RXRG: variants seen among roughly 807,000 people sequenced by gnomAD.
The protein encoded by RXRG is retinoid X receptor gamma, also known as retinoic acid receptor RXR-gamma.
RXRG carries 19 observed loss-of-function variants against 49.2 expected under a neutral mutation model. The observed-to-expected ratio is 0.39, with a 90% CI of 0.27 to 0.57. RXRG has a LOEUF of 0.57. Among genes scored for constraint, RXRG ranks in the 20% least tolerant of loss-of-function variants. RXRG has a pLI of 0.64. For synonymous variants in RXRG, 224 were observed against 216.6 expected (o/e 1.03, Z -0.30); for missense variants, 452 against 592.5 (o/e 0.76, Z 2.46).
chr1:165,405,896 G>A (rs1437933659), intron 9 of RXRG, among the ~76,000 whole-genome samples: 1 of 152,222 alleles, frequency 6.6e-6, no homozygotes, highest in East Asian at 1.9e-4. Flanking sequence ...AATTGCTAGA[G>A]GTTGGCTTAT....
intron 9 of RXRG, among the ~76,000 whole-genome samples, chr1:165,402,701 C>T (rs1386314093): frequency 2.6e-5 from 4 of 151,762 alleles, no homozygotes; most frequent in Non-Finnish European, 5.9e-5. Flanking sequence ...CACACTTTCA[C>T]ATGAACTCAC....
chr1:165,413,890 G>A (rs530921874), intron 4 of RXRG, among the ~76,000 whole-genome samples: 1 of 152,276 alleles, frequency 6.6e-6, no homozygotes, highest in Admixed American at 6.5e-5. Context: ...TCCTAAAAGG[G>A]CAACAGGTCC....
At chr1:165,409,727 A>G in intron 6 of RXRG, 37 bp from the exon 7 acceptor site, 2 of 1,423,598 alleles carry the variant, frequency 1.4e-6, no homozygotes, top group Non-Finnish European at 1.8e-6. Context: ...GGGAAAACAG[A>G]ACACATTCTT....
chr1:165,428,666 G>T (rs1658568034), intron 2 of RXRG, 53 bp downstream of exon 2: 3 of 1,539,250 alleles, frequency 1.9e-6, no homozygotes, highest in Admixed American at 1.9e-5. Flanking sequence ...GGAGCAGCCT[G>T]GGTGAAACCA....
intron 9 of RXRG, among the ~76,000 whole-genome samples, chr1:165,403,056 TACAC>T (rs201620097): frequency 0.019 from 2,848 of 152,008 alleles, 110 homozygotes; most frequent in African/African-American, 0.065. Flanking sequence ...CACTCACTCA[TACAC>T]ACCCTCACAC....
At chr1:165,420,081 A>T in intron 2 of RXRG, 67 bp from the exon 3 acceptor site, 1 of 1,285,172 alleles carries the variant, frequency 7.8e-7, no homozygotes, top group Non-Finnish European at 1.0e-6. Context: ...GCCTAAGGCA[A>T]TGAGGGCTTA....
At chr1:165,406,623 T>G (rs1410558929) in intron 9 of RXRG, among the ~76,000 whole-genome samples, 189 bp downstream of exon 9, 1 of 152,024 alleles carries the variant, frequency 6.6e-6, no homozygotes, top group African/African-American at 2.4e-5. Context: ...GCTAGAGGAG[T>G]GAATGGTGAG....
intron 4 of RXRG, among the ~76,000 whole-genome samples, chr1:165,416,666 G>A (rs1658135830): frequency 6.6e-6 from 1 of 152,186 alleles, no homozygotes; most frequent in South Asian, 2.1e-4. Flanking sequence ...CAGATCATAA[G>A]GACCCTGAAA....
intron 2 of RXRG, among the ~76,000 whole-genome samples, chr1:165,427,613 T>C (rs1658531092): frequency 1.3e-5 from 2 of 152,142 alleles, no homozygotes; most frequent in African/African-American, 2.4e-5. Flanking sequence ...GGGCTAATTT[T>C]TTGTATTTTT....
chr1:165,414,028 A>G (rs1338248628), intron 4 of RXRG, among the ~76,000 whole-genome samples: 1 of 152,180 alleles, frequency 6.6e-6, no homozygotes, highest in East Asian at 1.9e-4. Flanking sequence ...GAAAGTGTTC[A>G]AACTGAGCCC....
intron 1 of RXRG, among the ~76,000 whole-genome samples, chr1:165,435,712 G>A (rs574567521): frequency 3.7e-4 from 56 of 152,300 alleles, no homozygotes; most frequent in African/African-American, 1.3e-3. Context: ...AGGAGTGGGA[G>A]GCAGGGGACT....
chr1:165,407,599 G>A (rs995716989), intron 8 of RXRG, among the ~76,000 whole-genome samples: 1 of 152,132 alleles, frequency 6.6e-6, no homozygotes, highest in Non-Finnish European at 1.5e-5. Flanking sequence ...TCTCACCCCA[G>A]TGTCACAGCC....
intron 1 of RXRG, among the ~76,000 whole-genome samples, chr1:165,429,962 A>T (rs959724292): frequency 6.6e-6 from 1 of 152,182 alleles, no homozygotes; most frequent in Non-Finnish European, 1.5e-5. Flanking sequence ...TAGGATCTGT[A>T]GCAGCAAAGC....
In RXRG at chr1:165,410,976, G is replaced by A; in HGVS notation, c.756C>T (p.Ser252=). ...AGTTCTCCATATTCATGTCACCATA[G>A]GATTCTGTCTTTGGTTCAACAGCAA... is the stretch of plus-strand genomic sequence containing the variant. ...AELAVEPKTE[S]YGDMNMENST... is the part of the protein sequence containing the mutation. The change falls in exon 5 of 10, where the codon TCC becomes TCT. Residue 252 remains serine, a synonymous_variant. Transcript: ENST00000359842. 2 of 1,614,150 alleles carry A rather than the reference G, an allele frequency of 1.2e-6. No homozygotes were observed. Among genetic ancestry groups the A allele is most frequent in the Non-Finnish European group, 1.7e-6 (2 of 1,180,016 alleles).
At chr1:165,403,693 T>C (rs1406875784) in intron 9 of RXRG, among the ~76,000 whole-genome samples, 1 of 152,242 alleles carries the variant, frequency 6.6e-6, no homozygotes, top group African/African-American at 2.4e-5. Flanking sequence ...TTAAGCTTTA[T>C]GGAAGTAGGC....
chr1:165,412,884 G>A (rs1658000298), intron 4 of RXRG, among the ~76,000 whole-genome samples: 1 of 152,068 alleles, frequency 6.6e-6, no homozygotes, highest in African/African-American at 2.4e-5. Flanking sequence ...GGGAAATGTT[G>A]AATGCTTCTT....
chr1:165,440,193 A>T (rs926323898), intron 1 of RXRG, among the ~76,000 whole-genome samples: 2 of 152,200 alleles, frequency 1.3e-5, no homozygotes, highest in African/African-American at 2.4e-5. Context: ...TAAAATCCAG[A>T]TCTGCTGCTT....
chr1:165,416,996 A>T (rs758126654), intron 4 of RXRG, 45 bp downstream of exon 4: 1 of 1,567,534 alleles, frequency 6.4e-7, no homozygotes, highest in Non-Finnish European at 8.7e-7. Flanking sequence ...TTGCCTAGGA[A>T]ATGCCTCTCT....
chr1:165,405,354 C>G (rs1164284531), intron 9 of RXRG, among the ~76,000 whole-genome samples: 1 of 152,212 alleles, frequency 6.6e-6, no homozygotes, highest in East Asian at 1.9e-4. Context: ...GACCCCTTGG[C>G]CAGGGCTCTC....
Sources: gnomAD v4.1 joint callset for allele counts (sites outside exome capture counted in the v4.1 genomes callset) on GRCh38, gnomAD v4.1.1 for gene constraint, MANE v1.5 for transcripts, NCBI Gene and HGNC (gene_info 2026-07-23, HGNC 2026-07-21) for gene names.